PHF20: variants seen among roughly 807,000 people sequenced by gnomAD.
PHF20 encodes PHD finger protein 20.
Under a neutral mutation model 113.5 loss-of-function variants are expected in PHF20, and 23 were observed. The ratio of observed to expected loss-of-function variants is 0.20; its 90% CI spans 0.15 to 0.29. The LOEUF (loss-of-function observed/expected upper bound fraction) is 0.29, where lower values mean the gene tolerates loss of function less well. PHF20 is among the 10% of genes least tolerant of loss of function. The pLI, the probability that PHF20 is intolerant of heterozygous loss-of-function variation, is 1.00. For synonymous variants in PHF20, 434 were observed against 457.3 expected, an observed-to-expected ratio of 0.95 and a Z score of 0.65; for missense variants, 943 against 1,219.6, an observed-to-expected ratio of 0.77 and a Z score of 3.38.
chr20:35,775,469 A>C (rs1024030423), intron 1 of PHF20, among the ~76,000 whole-genome samples: 2 of 152,088 alleles, frequency 1.3e-5, no homozygotes, highest in Non-Finnish European at 2.9e-5. Flanking sequence ...AATATTGGCC[A>C]AAACTGGCTG....
intron 14 of PHF20, among the ~76,000 whole-genome samples, chr20:35,928,158 G>A (rs919096016): frequency 6.6e-6 from 1 of 152,134 alleles, no homozygotes; most frequent in African/African-American, 2.4e-5. Context: ...AATGCATGAG[G>A]CCGGGCGCAG....
At chr20:35,876,931 C>T (rs956061414) in intron 9 of PHF20, among the ~76,000 whole-genome samples, 7 of 150,876 alleles carry the variant, frequency 4.6e-5, no homozygotes, top group Non-Finnish European at 1.0e-4. Context: ...ACGGTGAAAC[C>T]CCGTCTCTAC....
chr20:35,775,225 G>A lies in PHF20; in HGVS notation c.-33+3146G>A, dbSNP rs531773942. ...TTCTGATTTGGTAGATCTAGGATGG[G>A]ACCTGAATGCATTTCTGATTTGCAG... is the stretch of plus-strand genomic sequence containing the variant. On this transcript the variant is annotated intron_variant, in intron 1 of 17. Transcript: ENST00000374012. Among the ~76,000 whole-genome samples the A allele has an allele frequency of 5.9e-5, 9 of 152,186 alleles. No homozygotes were observed. The South Asian group carries it at 1.7e-3, about 28-fold the overall frequency.
intron 1 of PHF20, among the ~76,000 whole-genome samples, chr20:35,780,221 CTTT>C (rs930285446): frequency 3.2e-4 from 40 of 123,272 alleles, no homozygotes; most frequent in African/African-American, 1.2e-3. Flanking sequence ...CCCCAGATTT[CTTT>C]TTTTTTTTTT....
At chr20:35,862,685 A>G (rs1244956283) in intron 5 of PHF20, among the ~76,000 whole-genome samples, 2 of 152,098 alleles carry the variant, frequency 1.3e-5, no homozygotes, top group African/African-American at 2.4e-5. Context: ...ATGAGCCATG[A>G]TTGTGCCACT....
chr20:35,868,740 A>G (rs17093186), intron 6 of PHF20, among the ~76,000 whole-genome samples: 2,852 of 152,338 alleles, frequency 0.019, 92 homozygotes, highest in African/African-American at 0.066. Flanking sequence ...TGCCTGAAAC[A>G]TTGACTGTTA....
At chr20:35,836,866 TAATTTA>T (rs1450163486) in intron 2 of PHF20, among the ~76,000 whole-genome samples, 4 of 151,044 alleles carry the variant, frequency 2.6e-5, no homozygotes, top group Non-Finnish European at 5.9e-5. Context: ...AAAAAACTTT[TAATTTA>T]AAAGTATTTA....
chr20:35,839,365 T>G (rs1197549819), intron 2 of PHF20, among the ~76,000 whole-genome samples: 1 of 135,204 alleles, frequency 7.4e-6, no homozygotes. Flanking sequence ...CACTCCATCC[T>G]GGGTGACAGA....
intron 3 of PHF20, among the ~76,000 whole-genome samples, chr20:35,844,549 A>G (rs140432415): frequency 9.9e-6 from 1 of 101,006 alleles, no homozygotes; most frequent in African/African-American, 3.5e-5. Context: ...ATCACCACAC[A>G]CACACACACA....
At chr20:35,785,455 T>G (rs1335306774) in intron 1 of PHF20, among the ~76,000 whole-genome samples, 1 of 151,804 alleles carries the variant, frequency 6.6e-6, no homozygotes, top group African/African-American at 2.4e-5. Context: ...GAGTAGGTGG[T>G]GCTACGGGCT....
chr20:35,927,698 C>T (rs1337080682), intron 13 of PHF20, 82 bp from the exon 14 acceptor site: 1 of 1,032,588 alleles, frequency 9.7e-7, no homozygotes, highest in African/African-American at 1.6e-5. Context: ...CTCCCATGCC[C>T]CTCCCCTCAG....
chr20:35,809,416 T>G (rs1229608434), intron 2 of PHF20, among the ~76,000 whole-genome samples: 3 of 151,482 alleles, frequency 2.0e-5, no homozygotes, highest in Non-Finnish European at 4.4e-5. Context: ...CTGTCTCTAC[T>G]AAAAGTACAA....
At chr20:35,799,217 T>C (rs112041828) in intron 1 of PHF20, among the ~76,000 whole-genome samples, 9 of 134,318 alleles carry the variant, frequency 6.7e-5, no homozygotes, top group African/African-American at 2.5e-4. Flanking sequence ...CCCAGCACTT[T>C]GGGAGGCCCA....
intron 1 of PHF20, among the ~76,000 whole-genome samples, chr20:35,779,702 G>T (rs1276226858): frequency 6.6e-6 from 1 of 151,896 alleles, no homozygotes; most frequent in Non-Finnish European, 1.5e-5. Flanking sequence ...TGTATTTTTA[G>T]TAGAGATGGA....
intron 9 of PHF20, among the ~76,000 whole-genome samples, chr20:35,875,296 A>G (rs1005790397): frequency 6.6e-6 from 1 of 151,564 alleles, no homozygotes. Context: ...TACTCTGGAG[A>G]TTGAGACAGG....
At chr20:35,790,863 T>G (rs116108790) in intron 1 of PHF20, among the ~76,000 whole-genome samples, 4,883 of 152,192 alleles carry the variant, frequency 0.032, 273 homozygotes, top group African/African-American at 0.11. Flanking sequence ...TTTGTTTGTT[T>G]GTTTTTGTTT....
At chr20:35,924,369 T>G (rs2055582756) in intron 13 of PHF20, among the ~76,000 whole-genome samples, 2 of 151,414 alleles carry the variant, frequency 1.3e-5, no homozygotes, top group Admixed American at 6.6e-5. Context: ...TAATTTTGTA[T>G]TTTTAGTAGA....
chr20:35,802,231 G>A (rs963111184), intron 2 of PHF20, among the ~76,000 whole-genome samples: 16 of 152,120 alleles, frequency 1.1e-4, no homozygotes, highest in Non-Finnish European at 1.2e-4. Flanking sequence ...AATATGTAAG[G>A]AAAGACCTTA....
chr20:35,892,738 G>C (rs2054899000), intron 9 of PHF20, among the ~76,000 whole-genome samples: 1 of 152,016 alleles, frequency 6.6e-6, no homozygotes, highest in Non-Finnish European at 1.5e-5. Flanking sequence ...CCTGTTTGCA[G>C]CTTTTCTCAC....
Sources: gnomAD v4.1 joint callset for allele counts (sites outside exome capture counted in the v4.1 genomes callset) on GRCh38, gnomAD v4.1.1 for gene constraint, MANE v1.5 for transcripts, NCBI Gene and HGNC (gene_info 2026-07-23, HGNC 2026-07-21) for gene names.